Variants in TBC1D31 observed in about 807,000 individuals in gnomAD.
TBC1D31 encodes TBC1 domain family member 31, also known as WD repeat domain 67.
A neutral mutation model predicts 132.9 loss-of-function variants in TBC1D31; 99 were observed. That is an observed-to-expected ratio of 0.74 (90% CI 0.63 to 0.88). TBC1D31 has a LOEUF of 0.88. TBC1D31 is among the 40% of genes least tolerant of loss of function. The pLI is 0.00. For missense variants in TBC1D31, 1,134 were observed against 1,256.6 expected, an observed-to-expected ratio of 0.90 and a Z score of 1.48; for synonymous variants, 385 against 419.4, an observed-to-expected ratio of 0.92 and a Z score of 1.00.
chr8:123,108,634 T>C, intron 8 of TBC1D31, among the ~76,000 whole-genome samples: 1 of 152,206 alleles, frequency 6.6e-6, no homozygotes, highest in East Asian at 1.9e-4. Flanking sequence ...TATATAAATA[T>C]ATAATTTTGA....
chr8:123,148,708 A>G (rs1052571004), intron 20 of TBC1D31, among the ~76,000 whole-genome samples: 1 of 152,188 alleles, frequency 6.6e-6, no homozygotes, highest in Non-Finnish European at 1.5e-5. Flanking sequence ...TCCATTTGCT[A>G]CAAGTATTTT....
At chr8:123,097,564 A>G (rs528480340) in intron 6 of TBC1D31, 123 bp downstream of exon 6, 1 of 1,199,192 alleles carries the variant, frequency 8.3e-7, no homozygotes, top group Non-Finnish European at 1.1e-6. Context: ...AATTACAAAT[A>G]TGTTATTTTT....
At chr8:123,157,227 T>C in the TBC1D31 span, among the ~76,000 whole-genome samples, 37 of 152,270 alleles carry the variant, frequency 2.4e-4, no homozygotes, top group Admixed American at 8.5e-4. Context: ...AACAAAATTA[T>C]TGTGCCCCGT....
intron 7 of TBC1D31, chr8:123,104,214 T>C (rs1189137635): frequency 6.6e-6 from 1 of 152,224 alleles, no homozygotes; most frequent in Non-Finnish European, 1.5e-5. Context: ...TCTCATGGTG[T>C]AAACAAGTAT....
chr8:123,140,992 AAGTTG>A, intron 18 of TBC1D31, 91 bp downstream of exon 18: 1 of 1,217,858 alleles, frequency 8.2e-7, no homozygotes, highest in Non-Finnish European at 1.2e-6. Context: ...AAACTCTGTG[AAGTTG>A]AGTTAGTTTG....
intron 21 of TBC1D31, among the ~76,000 whole-genome samples, chr8:123,151,132 T>C (rs1199794860): frequency 3.5e-5 from 4 of 113,046 alleles, no homozygotes; most frequent in Non-Finnish European, 7.3e-5. Flanking sequence ...TTCTGACATA[T>C]CAAATGGTTA....
chr8:123,120,963 CT>C (rs71310658), intron 11 of TBC1D31, among the ~76,000 whole-genome samples: 2,621 of 135,808 alleles, frequency 0.019, 46 homozygotes, highest in African/African-American at 0.059. Context: ...ATTTTAACCT[CT>C]TTTTTTTTTT....
chr8:123,104,396 A>G, intron 7 of TBC1D31, among the ~76,000 whole-genome samples: 1 of 152,184 alleles, frequency 6.6e-6, no homozygotes, highest in East Asian at 1.9e-4. Context: ...AAAAATTTAG[A>G]AGAATGGATT....
At chr8:123,088,121 A>G (rs972409324) in intron 4 of TBC1D31, among the ~76,000 whole-genome samples, 1 of 150,914 alleles carries the variant, frequency 6.6e-6, no homozygotes, top group African/African-American at 2.5e-5. Context: ...CCCGGGAAAC[A>G]GAGGTTGCAG....
intron 16 of TBC1D31, 53 bp downstream of exon 16, chr8:123,130,386 AAATGT>A: frequency 6.6e-7 from 1 of 1,504,284 alleles, no homozygotes; most frequent in African/African-American, 1.4e-5. Context: ...ACTCTCACTT[AAATGT>A]AATGAACACC....
intron 11 of TBC1D31, among the ~76,000 whole-genome samples, chr8:123,125,654 A>G (rs550055401): frequency 6.6e-6 from 1 of 152,222 alleles, no homozygotes; most frequent in East Asian, 1.9e-4. Flanking sequence ...ATTACATGTG[A>G]ATTTTAGTAG....
intron 2 of TBC1D31, among the ~76,000 whole-genome samples, chr8:123,082,175 A>G (rs903044370): frequency 6.6e-6 from 1 of 152,136 alleles, no homozygotes; most frequent in Non-Finnish European, 1.5e-5. Flanking sequence ...TTTTTTGTAA[A>G]TTAAACTCCA....
At chr8:123,139,229 T>C (rs1480040592) in intron 17 of TBC1D31, among the ~76,000 whole-genome samples, 2 of 151,944 alleles carry the variant, frequency 1.3e-5, no homozygotes, top group Non-Finnish European at 1.5e-5. Context: ...TATAGAAATA[T>C]TGTAAGTTGA....
downstream of TBC1D31, among the ~76,000 whole-genome samples, chr8:123,156,002 A>G (rs1822976908): frequency 6.6e-6 from 1 of 152,230 alleles, no homozygotes; most frequent in African/African-American, 2.4e-5. Context: ...TCATTGAAAT[A>G]AACATACATG....
chr8:123,104,870 T>G (rs958609928), intron 7 of TBC1D31, among the ~76,000 whole-genome samples: 3 of 152,166 alleles, frequency 2.0e-5, no homozygotes, highest in Non-Finnish European at 4.4e-5. Flanking sequence ...AGTTTCCTCT[T>G]AGAAATTTCA....
the TBC1D31 span, among the ~76,000 whole-genome samples, chr8:123,164,251 G>A: frequency 6.6e-6 from 1 of 152,168 alleles, no homozygotes; most frequent in African/African-American, 2.4e-5. Flanking sequence ...CAGCCCAAGG[G>A]ACAAAGCCAT....
intron 16 of TBC1D31, among the ~76,000 whole-genome samples, chr8:123,133,845 G>GTT (rs1167970146): frequency 6.6e-6 from 1 of 152,166 alleles, no homozygotes; most frequent in Non-Finnish European, 1.5e-5. Flanking sequence ...CTGTAATACT[G>GTT]TAAGAACTGC....
In TBC1D31 at chr8:123,097,294, C is replaced by T. The variant is rs147714492; in HGVS notation, c.684C>T (p.Ile228=). The change falls in exon 6 of 22, where the codon ATC becomes ATT. Residue 228 remains isoleucine (I), a synonymous_variant. Coordinates refer to ENST00000287380, the MANE Select transcript of TBC1D31 (RefSeq NM_145647.4). ...KVFAVTRDGR[I]LAAGGKSNHL... is the part of the protein sequence containing the mutation. ...TTTGTTTATATAGAGATGGCCGAAT[C>T]CTGGCTGCTGGAGGCAAGTCAAATC... 50 of 1,614,078 alleles carry T rather than the reference C, an allele frequency of 3.1e-5. No homozygotes were observed. The highest frequency in any genetic ancestry group is 1.9e-4 in the African/African-American group (14 of 75,030).
At chr8:123,148,014 C>G (rs1822399887) in intron 20 of TBC1D31, among the ~76,000 whole-genome samples, 1 of 151,844 alleles carries the variant, frequency 6.6e-6, no homozygotes, top group Admixed American at 6.6e-5. Context: ...GTAATCGCAG[C>G]TACTCAGGAG....
Sources: gnomAD v4.1 joint callset for allele counts (sites outside exome capture counted in the v4.1 genomes callset) on GRCh38, gnomAD v4.1.1 for gene constraint, MANE v1.5 for transcripts, NCBI Gene and HGNC (gene_info 2026-07-23, HGNC 2026-07-21) for gene names.